Variants in EML5 observed in about 807,000 individuals in gnomAD.
EML5 encodes the protein EMAP like 5.
A neutral mutation model predicts 250.0 loss-of-function variants in EML5; 120 were observed. The ratio of observed to expected loss-of-function variants is 0.48; its 90% CI spans 0.41 to 0.56. EML5 has a LOEUF of 0.56. Among genes scored for constraint, EML5 ranks in the 20% least tolerant of loss-of-function variants. EML5 has a pLI of 0.00. For synonymous variants in EML5, 771 were observed against 806.5 expected (o/e 0.96, Z 0.75); for missense variants, 2,006 against 2,437.6 (o/e 0.82, Z 3.73).
intron 29 of EML5, among the ~76,000 whole-genome samples, chr14:88,645,819 T>C (rs2091320557): frequency 6.6e-6 from 1 of 152,224 alleles, no homozygotes; most frequent in African/African-American, 2.4e-5. Flanking sequence ...GTATCAACTT[T>C]ACCTACACAG....
intron 34 of EML5, 189 bp from the exon 35 acceptor site, chr14:88,627,235 G>T (rs890008798): frequency 1.7e-6 from 1 of 604,476 alleles, no homozygotes; most frequent in East Asian, 2.8e-5. Flanking sequence ...ACTTATCTTC[G>T]CTCCATTAAC....
intron 29 of EML5, among the ~76,000 whole-genome samples, chr14:88,645,847 A>G (rs61480480): frequency 7.7e-4 from 117 of 152,270 alleles, no homozygotes; most frequent in African/African-American, 2.6e-3. Flanking sequence ...CAAATCTCAA[A>G]TCTAGCCCCT....
chr14:88,783,728 C>G (rs968804801), intron 1 of EML5, among the ~76,000 whole-genome samples: 15 of 152,270 alleles, frequency 9.9e-5, no homozygotes, highest in Admixed American at 3.3e-4. Context: ...ATTTCAACAA[C>G]CCATTTGCAG....
chr14:88,774,660 G>A (rs553457370), intron 1 of EML5, among the ~76,000 whole-genome samples: 13 of 152,038 alleles, frequency 8.6e-5, no homozygotes, highest in South Asian at 2.1e-4. Context: ...GGTTTTTCTC[G>A]TGTTTCTCTG....
rs568868058 is a variant in EML5, at chr14:88,699,306, T to C, written c.2239-2354A>G. On this transcript the variant is annotated intron_variant, in intron 14 of 43. Coordinates refer to ENST00000554922, the MANE Select transcript of EML5 (RefSeq NM_183387.3). ...TATCTCAGAAGGCAAAAAAATAGTT[T>C]ACAAAGAGGCAAATAGAAAGAGATA... Among the ~76,000 whole-genome samples, 10 of 152,132 alleles carry C rather than the reference T, an allele frequency of 6.6e-5. No homozygotes were observed. The East Asian group carries it at 1.8e-3, about 27-fold the overall frequency.
At chr14:88,775,303 G>C (rs899504041) in intron 1 of EML5, among the ~76,000 whole-genome samples, 1 of 151,844 alleles carries the variant, frequency 6.6e-6, no homozygotes, top group African/African-American at 2.4e-5. Flanking sequence ...AGATCACCAA[G>C]TGGGATCTTT....
At chr14:88,752,847 A>G (rs904821247) in intron 2 of EML5, among the ~76,000 whole-genome samples, 1 of 152,224 alleles carries the variant, frequency 6.6e-6, no homozygotes, top group African/African-American at 2.4e-5. Flanking sequence ...GTGTCTGCAT[A>G]TCAAGAGGAG....
chr14:88,709,906 CTT>C (rs1370125087), intron 10 of EML5, among the ~76,000 whole-genome samples: 1 of 152,132 alleles, frequency 6.6e-6, no homozygotes, highest in African/African-American at 2.4e-5. Context: ...ATAAATTTTT[CTT>C]TGTTAGATAT....
At chr14:88,667,982 T>C (rs2092352021) in intron 21 of EML5, among the ~76,000 whole-genome samples, 1 of 152,210 alleles carries the variant, frequency 6.6e-6, no homozygotes, top group Non-Finnish European at 1.5e-5. Context: ...CTCTCACTGT[T>C]CCACTGAGGG....
At chr14:88,703,842 T>A (rs1167282805) in intron 13 of EML5, among the ~76,000 whole-genome samples, 1 of 152,174 alleles carries the variant, frequency 6.6e-6, no homozygotes, top group African/African-American at 2.4e-5. Flanking sequence ...AAATTAGACA[T>A]ATTGAGGGGA....
intron 2 of EML5, among the ~76,000 whole-genome samples, chr14:88,748,971 T>C (rs538374355): frequency 3.5e-4 from 53 of 151,318 alleles, no homozygotes; most frequent in Non-Finnish European, 6.3e-4. Flanking sequence ...TAATCATGGC[T>C]CTAGAAGGAG....
At position 88,792,540 on chromosome 14, in the gene EML5, C is replaced by CGGCGGCGACGGGA. The variant is rs1167172815; in HGVS notation, c.-50_-38dup. 8.9e-6 allele frequency: 11 copies of CGGCGGCGACGGGA among 1,235,436 alleles called. No individual in the cohort carries two copies. In the South Asian group the frequency reaches 1.5e-4, roughly 17 times the overall value. 76.5% of individuals were successfully genotyped at this position (1,235,436 alleles called of 1,614,324 possible). ...CACCCGCCGCTCCCGCTCGGGCCCGCGGCGGCGACGGGAGGCGGCGGCGGC... is the reference window on the plus strand; with the variant it reads ...CACCCGCCGCTCCCGCTCGGGCCCGCGGCGGCGACGGGAGGCGGCGACGGGAGGCGGCGGCGGC... On this transcript the variant is annotated 5_prime_UTR_variant, in exon 1 of 44. Coordinates refer to ENST00000554922, the MANE Select transcript of EML5 (RefSeq NM_183387.3). The surrounding 1 kb of genome is among the most constrained non-coding windows in gnomAD (Gnocchi z 6.9).
chr14:88,752,267 G>A (rs2140357230), intron 2 of EML5, among the ~76,000 whole-genome samples: 1 of 152,158 alleles, frequency 6.6e-6, no homozygotes, highest in South Asian at 2.1e-4. Context: ...AAGCTAAGAA[G>A]AAAATATCTA....
intron 1 of EML5, among the ~76,000 whole-genome samples, chr14:88,765,193 T>C (rs1336402995): frequency 1.3e-5 from 2 of 152,172 alleles, no homozygotes; most frequent in Non-Finnish European, 2.9e-5. Flanking sequence ...AGGGCAGAAA[T>C]CTGGTTAGTG....
At chr14:88,736,028 G>C (rs938897205) in intron 7 of EML5, among the ~76,000 whole-genome samples, 9 of 138,456 alleles carry the variant, frequency 6.5e-5, no homozygotes, top group African/African-American at 2.5e-4. Context: ...TTGAGATGGA[G>C]TCTCACTCTG....
intron 21 of EML5, among the ~76,000 whole-genome samples, chr14:88,675,350 C>A (rs1409769532): frequency 6.6e-6 from 1 of 152,224 alleles, no homozygotes; most frequent in Non-Finnish European, 1.5e-5. Flanking sequence ...AACCTCAATT[C>A]TTGACTTCTG....
chr14:88,758,278 C>T (rs759562573), intron 1 of EML5, among the ~76,000 whole-genome samples: 4 of 151,892 alleles, frequency 2.6e-5, no homozygotes, highest in East Asian at 1.9e-4. Context: ...CTGCAACTTC[C>T]GCCTCCCAGG....
intron 13 of EML5, among the ~76,000 whole-genome samples, chr14:88,704,481 T>A (rs2093278095): frequency 6.6e-6 from 1 of 152,128 alleles, no homozygotes; most frequent in Admixed American, 6.6e-5. Flanking sequence ...AACACAGTAC[T>A]ATTATCTCCA....
chr14:88,778,535 C>T (rs2094468157), intron 1 of EML5, among the ~76,000 whole-genome samples: 1 of 152,232 alleles, frequency 6.6e-6, no homozygotes, highest in Non-Finnish European at 1.5e-5. Flanking sequence ...AATCCTAGAA[C>T]TTTGGGAGGC....
Sources: gnomAD v4.1 joint callset for allele counts (sites outside exome capture counted in the v4.1 genomes callset) on GRCh38, gnomAD v4.1.1 for gene constraint, Gnocchi (gnomAD v3.1) non-coding constraint, MANE v1.5 for transcripts, NCBI Gene and HGNC (gene_info 2026-07-23, HGNC 2026-07-21) for gene names.